SGSM2: variants seen among roughly 807,000 people sequenced by gnomAD.
SGSM2 encodes the protein small G protein signaling modulator 2.
Under a neutral mutation model 126.6 loss-of-function variants are expected in SGSM2, and 89 were observed. That is an observed-to-expected ratio of 0.70 (90% CI 0.59 to 0.84). The LOEUF (loss-of-function observed/expected upper bound fraction) is 0.84, where lower values mean the gene tolerates loss of function less well. Among genes scored for constraint, SGSM2 ranks in the 40% least tolerant of loss-of-function variants. The probability of loss-of-function intolerance (pLI) is 0.00; values close to 1 mark genes in which losing one functional copy is unlikely to be tolerated. For synonymous variants in SGSM2, 614 were observed against 574.3 expected, an observed-to-expected ratio of 1.07 and a Z score of -0.99; for missense variants, 1,404 against 1,416.6, an observed-to-expected ratio of 0.99 and a Z score of 0.14.
At chr17:2,343,728 G>A (rs1208739564) in intron 2 of SGSM2, 108 bp downstream of exon 2, 1 of 933,814 alleles carries the variant, frequency 1.1e-6, no homozygotes, top group Non-Finnish European at 1.7e-6. Context: ...AAATCTGGCT[G>A]CAAGTCCAAA....
At chr17:2,348,329 T>G (rs560614301) in intron 2 of SGSM2, among the ~76,000 whole-genome samples, 4 of 152,210 alleles carry the variant, frequency 2.6e-5, no homozygotes, top group Admixed American at 2.6e-4. Context: ...GAGGCTGAGG[T>G]GGGAGGATCC....
rs1291653835 is a variant in SGSM2 at position 2,337,782 on chromosome 17, C to G, written c.57+37C>G. 6.8e-7 allele frequency: 1 copy of G among 1,471,838 alleles called. No individual in the cohort carries two copies. The highest frequency in any genetic ancestry group is 1.3e-5 in the South Asian group (1 of 78,502). The allele number at this position is 1,471,838 out of a possible 1,614,324, so 91.2% of individuals were successfully genotyped here. A position where few individuals can be genotyped will look rare whatever the true frequency, so the allele number is the denominator to read the frequency against. ...TCAAGAACCCCGGGGGGCTCGCGCC[C>G]TGGCCCGCGCGGCCCAGGGGGCAGA... is the stretch of plus-strand genomic sequence containing the variant. On this transcript the variant is annotated intron_variant, in intron 1 of 23. Coordinates refer to ENST00000268989, the MANE Select transcript of SGSM2 (RefSeq NM_014853.3). The surrounding 1 kb of genome is among the most constrained non-coding windows in gnomAD (Gnocchi z 5.1).
rs775582401 is a variant in SGSM2 at position 2,375,741 on chromosome 17, G to A, written c.2350G>A (p.Glu784Lys). The A allele has an allele frequency of 2.5e-6, 4 of 1,607,614 alleles. No individual in the cohort carries two copies. The highest frequency in any genetic ancestry group is 3.3e-5 in the Admixed American group (2 of 59,822). The change falls in exon 18 of 24, where the codon GAG becomes AAG. Residue 784 changes from glutamate (E) to lysine (K), a missense_variant. Transcript: ENST00000268989. Reference sequence around the variant, plus strand: ...CTTCGAAGAGGAGGACGGCGGTGGGGAGGAAGGCTCCAGTGGGCCCGGCCC... The same window carrying A: ...CTTCGAAGAGGAGGACGGCGGTGGGAAGGAAGGCTCCAGTGGGCCCGGCCC... ...VGFEEEDGGG[E>K]EGSSGPGPAA...
chr17:2,361,523 C>A, intron 2 of SGSM2, 114 bp from the exon 3 acceptor site: 1 of 1,323,600 alleles, frequency 7.6e-7, no homozygotes, highest in Non-Finnish European at 1.0e-6. Context: ...TCTCCCTGGC[C>A]TGCCCTTGGC....
intron 12 of SGSM2, among the ~76,000 whole-genome samples, chr17:2,368,075 A>T (rs1369555566): frequency 6.6e-6 from 1 of 152,194 alleles, no homozygotes; most frequent in African/African-American, 2.4e-5. Context: ...TGTGGTTTTG[A>T]GCAAGTTTCT....
intron 2 of SGSM2, among the ~76,000 whole-genome samples, chr17:2,351,373 G>A (rs781304568): frequency 7.9e-5 from 12 of 152,208 alleles, no homozygotes; most frequent in Non-Finnish European, 1.5e-4. Flanking sequence ...TAGAGGGGCG[G>A]CGGCATTGAG....
intron 17 of SGSM2, chr17:2,375,210 CT>C: frequency 5.8e-6 from 2 of 345,012 alleles, no homozygotes; most frequent in Non-Finnish European, 1.1e-5. Context: ...GTTCAGCCCC[CT>C]GGCTCCCCTA....
chr17:2,369,564 A>G (rs1038865484), intron 12 of SGSM2, among the ~76,000 whole-genome samples: 7 of 152,060 alleles, frequency 4.6e-5, no homozygotes, highest in African/African-American at 1.7e-4. Flanking sequence ...GCTCAGAGAC[A>G]GTGTTCGAAT....
chr17:2,368,783 G>A (rs1464356139), intron 12 of SGSM2, among the ~76,000 whole-genome samples: 1 of 152,164 alleles, frequency 6.6e-6, no homozygotes, highest in African/African-American at 2.4e-5. Flanking sequence ...CTGGACTTGG[G>A]GCTGTTGCCT....
Position 2,372,466 on chromosome 17 carries a change from G to C in SGSM2, c.1766G>C (p.Ser589Thr), listed in dbSNP as rs767403879. 1 of 1,601,330 alleles carries C rather than the reference G, an allele frequency of 6.2e-7. No individual in the cohort carries two copies. The highest frequency in any genetic ancestry group is 8.5e-7 in the Non-Finnish European group (1 of 1,176,568). ...ASAGLTKDVW[S>T]KYQKDKKNYK... ...GCGGGCCTCACCAAGGACGTGTGGA[G>C]CAAGTATCAGAAGGACAAAAAGGTG... Residue 589 changes from serine (S) to threonine (T), a missense_variant, in exon 15 of 24, where the codon AGC becomes ACC. Ser to Thr is a moderately conservative substitution (Grantham distance 58). Transcript: ENST00000268989. This position sits in a 1 kb window ranked among gnomAD's most constrained non-coding sequence, Gnocchi z 6.0.
Position 2,380,607 on chromosome 17 carries a change from G to A in SGSM2, c.*1087G>A. 3 of 454,276 alleles carry A rather than the reference G, an allele frequency of 6.6e-6. No homozygotes were observed. The highest frequency in any genetic ancestry group is 1.2e-5 in the Non-Finnish European group (3 of 247,728). The allele number at this position is 454,276 out of a possible 1,614,324, so 28.1% of individuals were successfully genotyped here. A position where few individuals can be genotyped will look rare whatever the true frequency, so the allele number is the denominator to read the frequency against. On this transcript the variant is annotated 3_prime_UTR_variant, in exon 24 of 24. Transcript: ENST00000268989. ...AGGAGCTGTGTATGCGGGGGTGCCA[G>A]GAAGGGCATAGCTCCTGCCCCCAGG...
intron 1 of SGSM2, among the ~76,000 whole-genome samples, chr17:2,342,819 A>C (rs2064434393): frequency 2.0e-5 from 3 of 152,154 alleles, no homozygotes; most frequent in Non-Finnish European, 2.9e-5. Context: ...GTTACTAAAA[A>C]TACAAAAATT....
Position 2,362,299 on chromosome 17 carries a change from G to A in SGSM2, c.458+29G>A, listed in dbSNP as rs1413341239. 1 of 1,593,108 alleles carries A rather than the reference G, an allele frequency of 6.3e-7. No homozygotes were observed. Among genetic ancestry groups the A allele is most frequent in the East Asian group, 2.3e-5 (1 of 44,388 alleles). ...ACCGCCCCGTTCCCCAAAAACTGCAGGTGACCACCCCGTTCCCCCCAAAAC... is the reference window on the plus strand; with the variant it reads ...ACCGCCCCGTTCCCCAAAAACTGCAAGTGACCACCCCGTTCCCCCCAAAAC... On this transcript the variant is annotated intron_variant, in intron 4 of 23. Coordinates refer to ENST00000268989, the MANE Select transcript of SGSM2 (RefSeq NM_014853.3). This position sits in a 1 kb window ranked among gnomAD's most constrained non-coding sequence, Gnocchi z 4.9.
chr17:2,369,824 C>T (rs2065779717), intron 12 of SGSM2, among the ~76,000 whole-genome samples: 1 of 152,160 alleles, frequency 6.6e-6, no homozygotes, highest in African/African-American at 2.4e-5. Context: ...GCTCCTGCCC[C>T]ACTGCACCTG....
intron 2 of SGSM2, among the ~76,000 whole-genome samples, 166 bp downstream of exon 2, chr17:2,343,786 A>G (rs970285323): frequency 6.6e-6 from 1 of 152,212 alleles, no homozygotes; most frequent in Non-Finnish European, 1.5e-5. Context: ...TTGCAGACCT[A>G]CTAAATCAGG....
intron 22 of SGSM2, 97 bp from the exon 23 acceptor site, chr17:2,378,915 CCAGCCCCAGCCTCAGCCTCAGCCT>C (rs887636820): frequency 1.3e-5 from 16 of 1,214,038 alleles, no homozygotes; most frequent in Non-Finnish European, 1.6e-5. Flanking sequence ...AGCATCAGCC[CCAGCCCCAGCCTCAGCCTCAGCCT>C]CAGCCCCAGC....
At position 2,379,957 on chromosome 17, in the gene SGSM2, T is replaced by C. The variant is rs891259687; in HGVS notation, c.*437T>C. The C allele has an allele frequency of 1.5e-6, 2 of 1,334,314 alleles. No homozygotes were observed. Among genetic ancestry groups the C allele is most frequent in the Admixed American group, 6.8e-5 (2 of 29,300 alleles). 82.7% of individuals were successfully genotyped at this position (1,334,314 alleles called of 1,614,324 possible). On this transcript the variant is annotated 3_prime_UTR_variant, in exon 24 of 24. Coordinates refer to ENST00000268989, the MANE Select transcript of SGSM2 (RefSeq NM_014853.3). ...GCTGTGTCCCTTCTGAGGGTCCCTT[T>C]GCAGTCCCAGTATATTGTGCGTGCA...
rs977344095 is a variant in SGSM2, at chr17:2,379,758, G to T, written c.*238G>T. On this transcript the variant is annotated 3_prime_UTR_variant, in exon 24 of 24. Transcript: ENST00000268989. Reference sequence around the variant, plus strand: ...GTCAGCCTCAGGGAGCAGCTGCCTTGGGGGACACACCTACTCTGCTCCCCT... The same window carrying T: ...GTCAGCCTCAGGGAGCAGCTGCCTTTGGGGACACACCTACTCTGCTCCCCT... 4.3e-6 allele frequency: 6 copies of T among 1,395,774 alleles called. 1 individual carries two copies. The South Asian group carries it at 9.6e-5, about 22-fold the overall frequency. 86.5% of individuals were successfully genotyped at this position (1,395,774 alleles called of 1,614,324 possible).
At chr17:2,345,370 G>A (rs2064551325) in intron 2 of SGSM2, among the ~76,000 whole-genome samples, 1 of 151,916 alleles carries the variant, frequency 6.6e-6, no homozygotes, top group Non-Finnish European at 1.5e-5. Context: ...GTGGAGGTGG[G>A]CGGATCACGA....
Sources: allele counts gnomAD v4.1 joint callset (sites outside exome capture counted in the v4.1 genomes callset), GRCh38; gene constraint gnomAD v4.1.1; non-coding constraint Gnocchi (gnomAD v3.1); transcripts MANE v1.5; gene names NCBI Gene and HGNC (gene_info 2026-07-23, HGNC 2026-07-21).